Variants in ADGRB3 observed in about 807,000 individuals in gnomAD.
ADGRB3 encodes brain-specific angiogenesis inhibitor 3.
In ADGRB3, 37 loss-of-function variants were observed where a neutral mutation model predicts 193.4. That is an observed-to-expected ratio of 0.19 (90% CI 0.15 to 0.25). The LOEUF (loss-of-function observed/expected upper bound fraction) is 0.25, where lower values mean the gene tolerates loss of function less well. ADGRB3 is among the 10% of genes least tolerant of loss of function. The pLI is 1.00. For synonymous variants in ADGRB3, 690 were observed against 644.2 expected (o/e 1.07, Z -1.08); for missense variants, 1,637 against 1,852.9 (o/e 0.88, Z 2.14).
intron 8 of ADGRB3, among the ~76,000 whole-genome samples, chr6:68,959,827 G>A (rs1768183612): frequency 6.6e-6 from 1 of 152,016 alleles, no homozygotes; most frequent in Admixed American, 6.6e-5. Flanking sequence ...GATAATAAGT[G>A]GTCCAATTTT....
chr6:68,839,989 G>A (rs926851413), intron 3 of ADGRB3, among the ~76,000 whole-genome samples: 3 of 152,108 alleles, frequency 2.0e-5, no homozygotes, highest in East Asian at 1.9e-4. Context: ...AAATTGGCAG[G>A]TGCCCATAGA....
intron 3 of ADGRB3, among the ~76,000 whole-genome samples, chr6:68,687,738 A>G (rs948672671): frequency 6.6e-6 from 1 of 152,182 alleles, no homozygotes; most frequent in African/African-American, 2.4e-5. Context: ...ACAGAAATGT[A>G]ACTCACACAG....
intron 17 of ADGRB3, among the ~76,000 whole-genome samples, chr6:69,119,667 C>T (rs1436278759): frequency 6.6e-6 from 1 of 151,924 alleles, no homozygotes; most frequent in Non-Finnish European, 1.5e-5. Flanking sequence ...TTGGAGAGTG[C>T]CAGGCTTACA....
intron 17 of ADGRB3, among the ~76,000 whole-genome samples, chr6:69,113,768 C>T (rs914819080): frequency 2.0e-5 from 3 of 152,014 alleles, no homozygotes; most frequent in Admixed American, 6.6e-5. Flanking sequence ...TGGCAATGGG[C>T]ATAATTTTTA....
At chr6:69,303,757 C>T (rs950660900) in intron 20 of ADGRB3, among the ~76,000 whole-genome samples, 3 of 151,916 alleles carry the variant, frequency 2.0e-5, no homozygotes, top group Admixed American at 2.0e-4. Context: ...TAAAACTGAC[C>T]TATCTCTAAA....
chr6:68,957,548 C>T lies in ADGRB3; in HGVS notation c.1525+739C>T, dbSNP rs73465372. 8.0e-3 allele frequency among the ~76,000 whole-genome samples: 1,211 copies of T among 152,258 alleles called. 11 individuals carry two copies. The highest frequency in any genetic ancestry group is 0.025 in the African/African-American group (1,049 of 41,540). ...AATTTGACAATATAGTGCCAACGTG[C>T]TGAACCTAGAGAATTTGAAGACCCA... On this transcript the variant is annotated intron_variant, in intron 8 of 31. Coordinates refer to ENST00000370598, the MANE Select transcript of ADGRB3 (RefSeq NM_001704.3).
intron 17 of ADGRB3, among the ~76,000 whole-genome samples, chr6:69,171,195 A>T (rs1327025474): frequency 4.6e-5 from 7 of 152,122 alleles, no homozygotes; most frequent in Admixed American, 1.3e-4. Flanking sequence ...GCATATCTCA[A>T]TTTAGACTAG....
At position 69,355,654 on chromosome 6, in the gene ADGRB3, C is replaced by T. The variant is rs552154184; in HGVS notation, c.3556-167C>T. ...TATTTAACATTTGGGCTCTAGAAAA[C>T]ACTGTTGAAAACAATCTAATTATAC... is the stretch of plus-strand genomic sequence containing the variant. On this transcript the variant is annotated intron_variant, in intron 27 of 31. Coordinates refer to ENST00000370598, the MANE Select transcript of ADGRB3 (RefSeq NM_001704.3). Among the ~76,000 whole-genome samples the T allele has an allele frequency of 2.4e-4, 37 of 152,206 alleles. No individual in the cohort carries two copies. In the South Asian group the frequency reaches 3.3e-3, roughly 14 times the overall value.
intron 3 of ADGRB3, among the ~76,000 whole-genome samples, chr6:68,861,233 C>T (rs1270273057): frequency 6.6e-6 from 1 of 152,124 alleles, no homozygotes; most frequent in Admixed American, 6.5e-5. Flanking sequence ...CTATAATCCA[C>T]CTGGCCTAGG....
chr6:69,207,169 G>A (rs1316754228), intron 17 of ADGRB3, among the ~76,000 whole-genome samples: 1 of 152,064 alleles, frequency 6.6e-6, no homozygotes, highest in Non-Finnish European at 1.5e-5. Context: ...GTGTCTCCTG[G>A]GGGCAATGTT....
chr6:69,355,297 G>T (rs889167854), intron 27 of ADGRB3, among the ~76,000 whole-genome samples: 27 of 152,282 alleles, frequency 1.8e-4, no homozygotes, highest in African/African-American at 6.3e-4. Flanking sequence ...TCAGTTTTAA[G>T]TCCTAAACCT....
intron 15 of ADGRB3, among the ~76,000 whole-genome samples, chr6:69,051,361 A>G (rs1771387185): frequency 6.6e-6 from 1 of 152,202 alleles, no homozygotes; most frequent in African/African-American, 2.4e-5. Context: ...TTATATTTTC[A>G]TTGCAGAAAG....
chr6:68,725,395 A>G (rs1055706349), intron 3 of ADGRB3, among the ~76,000 whole-genome samples: 1 of 151,730 alleles, frequency 6.6e-6, no homozygotes, highest in African/African-American at 2.4e-5. Context: ...GAAAACTAGA[A>G]TGATAGAAGC....
chr6:68,746,683 C>A (rs998913063), intron 3 of ADGRB3, among the ~76,000 whole-genome samples: 15 of 151,952 alleles, frequency 9.9e-5, no homozygotes, highest in African/African-American at 3.6e-4. Flanking sequence ...TCCCTCTTCC[C>A]CTTGTCCCTG....
chr6:68,788,832 G>A (rs1485645041), intron 3 of ADGRB3, among the ~76,000 whole-genome samples: 1 of 152,178 alleles, frequency 6.6e-6, no homozygotes, highest in Non-Finnish European at 1.5e-5. Context: ...ATGAATCTGG[G>A]TGCTCCTGTA....
At chr6:69,175,556 A>G (rs1413273320) in intron 17 of ADGRB3, among the ~76,000 whole-genome samples, 2 of 152,206 alleles carry the variant, frequency 1.3e-5, no homozygotes, top group Non-Finnish European at 2.9e-5. Context: ...ATAGTAGTAC[A>G]GTGTGAAGTC....
At position 68,832,043 on chromosome 6, in the gene ADGRB3, G is replaced by T. The variant is rs144893593; in HGVS notation, c.758-98516G>T. 1.4e-3 allele frequency among the ~76,000 whole-genome samples: 206 copies of T among 152,150 alleles called. 5 individuals carry two copies. In the East Asian group the frequency reaches 0.035, roughly 26 times the overall value. On this transcript the variant is annotated intron_variant, in intron 3 of 31. Transcript: ENST00000370598. ...CTTTTCTTTTAAGTTCCAACATTAGGAGTTTAAATAAGACTACTTCATTTT... is the reference window on the plus strand; with the variant it reads ...CTTTTCTTTTAAGTTCCAACATTAGTAGTTTAAATAAGACTACTTCATTTT...
chr6:68,873,855 GTAA>G lies in ADGRB3; in HGVS notation c.758-56702_758-56700del, dbSNP rs547533739. Among the ~76,000 whole-genome samples the G allele has an allele frequency of 1.3e-3, 196 of 152,008 alleles. 1 individual carries two copies. The highest frequency in any genetic ancestry group is 2.1e-3 in the Non-Finnish European group (142 of 67,896). The stretch of plus-strand genomic sequence containing the variant: ...ATGCTTATATTACATATCCCTAAAG[GTAA>G]TTCTGTATGCCTGGATGAACATTTT... On this transcript the variant is annotated intron_variant, in intron 3 of 31. Coordinates refer to ENST00000370598, the MANE Select transcript of ADGRB3 (RefSeq NM_001704.3).
At chr6:68,692,574 T>G (rs1454909620) in intron 3 of ADGRB3, among the ~76,000 whole-genome samples, 1 of 151,812 alleles carries the variant, frequency 6.6e-6, no homozygotes, top group Non-Finnish European at 1.5e-5. Flanking sequence ...AGGGGTTACT[T>G]AAACCTGTAC....
Sources: allele counts gnomAD v4.1 joint callset (sites outside exome capture counted in the v4.1 genomes callset), GRCh38; gene constraint gnomAD v4.1.1; transcripts MANE v1.5; gene names NCBI Gene and HGNC (gene_info 2026-07-23, HGNC 2026-07-21).